The following SIPA1L1 variants were observed in gnomAD, a reference collection of about 807,000 sequenced individuals.
The protein encoded by SIPA1L1 is signal-induced proliferation-associated 1-like protein 1.
Under a neutral mutation model 162.7 loss-of-function variants are expected in SIPA1L1, and 26 were observed. The observed-to-expected ratio is 0.16, with a 90% CI of 0.12 to 0.22. The LOEUF is 0.22. SIPA1L1 is among the 10% of genes least tolerant of loss of function. SIPA1L1 has a pLI of 1.00. For missense variants in SIPA1L1, 1,874 were observed against 2,241.0 expected, an observed-to-expected ratio of 0.84 and a Z score of 3.31; for synonymous variants, 829 against 837.4, an observed-to-expected ratio of 0.99 and a Z score of 0.17.
At chr14:71,674,043 A>C (rs561050237) in intron 12 of SIPA1L1, among the ~76,000 whole-genome samples, 2 of 152,198 alleles carry the variant, frequency 1.3e-5, no homozygotes, top group Non-Finnish European at 2.9e-5. Flanking sequence ...CTCTCCTTCA[A>C]ATTGTCTACT....
chr14:71,345,832 T>A (rs938859242), intron 2 of SIPA1L1, among the ~76,000 whole-genome samples: 7 of 152,094 alleles, frequency 4.6e-5, no homozygotes, highest in African/African-American at 1.7e-4. Context: ...CCTCCTAAAG[T>A]GTTGGGATTA....
At chr14:71,325,954 G>A (rs1164556234) in intron 2 of SIPA1L1, among the ~76,000 whole-genome samples, 1 of 152,166 alleles carries the variant, frequency 6.6e-6, no homozygotes, top group Non-Finnish European at 1.5e-5. Flanking sequence ...CCAGCTTGGG[G>A]AGGGAGAATT....
At chr14:71,702,587 G>A (rs1222707318) in intron 15 of SIPA1L1, 82 bp downstream of exon 15, 3 of 1,209,372 alleles carry the variant, frequency 2.5e-6, no homozygotes, top group Non-Finnish European at 3.5e-6. Context: ...TCAAAACATT[G>A]TTATAAAAGG....
chr14:71,466,884 C>CT (rs1433058110), intron 2 of SIPA1L1, among the ~76,000 whole-genome samples: 2 of 152,186 alleles, frequency 1.3e-5, no homozygotes, highest in African/African-American at 4.8e-5. Flanking sequence ...TAACAATTTT[C>CT]TCTTCCATAG....
At chr14:71,529,512 G>A (rs1008310649) in intron 4 of SIPA1L1, 142 bp downstream of exon 4, 3 of 516,886 alleles carry the variant, frequency 5.8e-6, no homozygotes, top group African/African-American at 5.7e-5. Context: ...GAAGTCGTTT[G>A]TCATCTGCTT....
intron 2 of SIPA1L1, among the ~76,000 whole-genome samples, chr14:71,450,462 G>C (rs1245072127): frequency 6.6e-6 from 1 of 152,160 alleles, no homozygotes; most frequent in Non-Finnish European, 1.5e-5. Context: ...ATATCATTAA[G>C]TGTTCAGCTA....
chr14:71,434,280 A>T (rs2044215880), intron 2 of SIPA1L1, among the ~76,000 whole-genome samples: 1 of 152,190 alleles, frequency 6.6e-6, no homozygotes. Flanking sequence ...GCAGTAATGG[A>T]TATATTTTAA....
chr14:71,584,051 A>G (rs2034283279), intron 4 of SIPA1L1, among the ~76,000 whole-genome samples: 1 of 152,174 alleles, frequency 6.6e-6, no homozygotes, highest in African/African-American at 2.4e-5. Flanking sequence ...GCTCACATGC[A>G]TCCTGATAGA....
At chr14:71,693,737 TA>T (rs1388307224) in intron 13 of SIPA1L1, among the ~76,000 whole-genome samples, 3 of 149,720 alleles carry the variant, frequency 2.0e-5, no homozygotes, top group Admixed American at 1.3e-4. Flanking sequence ...TTTTTTTTTT[TA>T]CATAATTTTG....
chr14:71,522,833 A>G (rs1203435204), intron 3 of SIPA1L1, among the ~76,000 whole-genome samples: 2 of 151,962 alleles, frequency 1.3e-5, no homozygotes, highest in African/African-American at 4.8e-5. Flanking sequence ...AGTTGGGATT[A>G]CAGGCTCCAC....
intron 10 of SIPA1L1, among the ~76,000 whole-genome samples, chr14:71,663,536 A>T (rs1409115124): frequency 6.6e-6 from 1 of 152,208 alleles, no homozygotes; most frequent in African/African-American, 2.4e-5. Flanking sequence ...GTCACACTAG[A>T]CACATTTCAA....
At chr14:71,594,797 C>T (rs2035841769) in intron 5 of SIPA1L1, among the ~76,000 whole-genome samples, 1 of 152,124 alleles carries the variant, frequency 6.6e-6, no homozygotes, top group South Asian at 2.1e-4. Flanking sequence ...GTAATTCATT[C>T]GAAGGTAGCT....
chr14:71,373,060 C>T (rs1230743371), intron 2 of SIPA1L1, among the ~76,000 whole-genome samples: 1 of 152,108 alleles, frequency 6.6e-6, no homozygotes, highest in Non-Finnish European at 1.5e-5. Flanking sequence ...GCCTGTAATC[C>T]CAGCACTTTG....
rs549129457 is a variant in SIPA1L1, at chr14:71,426,593, G to A, written c.-464-86150G>A. Among the ~76,000 whole-genome samples the A allele has an allele frequency of 5.3e-5, 8 of 150,774 alleles. No individual in the cohort carries two copies. The Admixed American group carries it at 5.3e-4, about 10-fold the overall frequency. Reference sequence around the variant, plus strand: ...CAACCTCTGCCTCCCAGGTTCAAGCGATTCTCCTGCCTCAGCCTCCTGAGT... The same window carrying A: ...CAACCTCTGCCTCCCAGGTTCAAGCAATTCTCCTGCCTCAGCCTCCTGAGT... On this transcript the variant is annotated intron_variant, in intron 2 of 23. Coordinates refer to ENST00000381232, the MANE Select transcript of SIPA1L1 (RefSeq NM_001386936.1).
At chr14:71,682,911 T>C (rs867642040) in intron 12 of SIPA1L1, among the ~76,000 whole-genome samples, 28 of 152,222 alleles carry the variant, frequency 1.8e-4, no homozygotes, top group African/African-American at 6.0e-4. Flanking sequence ...CCCAGTACTT[T>C]GGGAGACCGA....
At chr14:71,398,309 T>G (rs1446058601) in intron 2 of SIPA1L1, 6 of 152,244 alleles carry the variant, frequency 3.9e-5, no homozygotes, top group African/African-American at 1.2e-4. Context: ...AGTTCTGAAC[T>G]ATTTTTGTGC....
chr14:71,409,661 G>T (rs1362636014), intron 2 of SIPA1L1, among the ~76,000 whole-genome samples: 1 of 152,088 alleles, frequency 6.6e-6, no homozygotes, highest in East Asian at 1.9e-4. Context: ...TTAATTTCTG[G>T]TTTTTGATGG....
intron 2 of SIPA1L1, among the ~76,000 whole-genome samples, chr14:71,371,102 A>C (rs751537019): frequency 6.6e-5 from 10 of 152,280 alleles, no homozygotes; most frequent in Non-Finnish European, 1.5e-5. Context: ...CTTGATAAAT[A>C]ATGCTGTTTT....
chr14:71,672,766 C>A, intron 12 of SIPA1L1, 144 bp downstream of exon 12: 2 of 938,758 alleles, frequency 2.1e-6, no homozygotes, highest in Non-Finnish European at 3.1e-6. Flanking sequence ...TCCATGGAGT[C>A]TGACTCAGGA....
Sources: allele counts gnomAD v4.1 joint callset (sites outside exome capture counted in the v4.1 genomes callset), GRCh38; gene constraint gnomAD v4.1.1; transcripts MANE v1.5; gene names NCBI Gene and HGNC (gene_info 2026-07-23, HGNC 2026-07-21).